Variants in GUCY1A2 observed in about 807,000 individuals in gnomAD.
GUCY1A2 encodes the protein guanylate cyclase 1 soluble subunit alpha 2.
In GUCY1A2, 27 loss-of-function variants were observed where a neutral mutation model predicts 63.5. The ratio of observed to expected loss-of-function variants is 0.43; its 90% confidence interval spans 0.31 to 0.59. The LOEUF (loss-of-function observed/expected upper bound fraction) is 0.59. GUCY1A2 is among the 20% of genes least tolerant of loss of function. GUCY1A2 has a pLI of 0.11. For synonymous variants in GUCY1A2, 364 were observed against 343.5 expected (o/e 1.06, Z -0.66); for missense variants, 768 against 913.3 (o/e 0.84, Z 2.05).
At chr11:106,842,026 T>A (rs1859205397) in intron 4 of GUCY1A2, among the ~76,000 whole-genome samples, 1 of 151,900 alleles carries the variant, frequency 6.6e-6, no homozygotes, top group South Asian at 2.1e-4. Flanking sequence ...AGTTTCCAGT[T>A]GGGTTTGGCC....
At chr11:106,915,453 T>C (rs1053511171) in intron 4 of GUCY1A2, among the ~76,000 whole-genome samples, 1 of 152,044 alleles carries the variant, frequency 6.6e-6, no homozygotes, top group Non-Finnish European at 1.5e-5. Context: ...TTGAAAAATC[T>C]AGGGCAACCA....
chr11:106,698,301 T>C (rs1317798360), intron 7 of GUCY1A2, among the ~76,000 whole-genome samples: 1 of 151,036 alleles, frequency 6.6e-6, no homozygotes, highest in African/African-American at 2.4e-5. Context: ...TTTTTTAATT[T>C]TAGTAGAGAC....
intron 5 of GUCY1A2, among the ~76,000 whole-genome samples, chr11:106,797,465 C>T (rs1262665456): frequency 6.6e-6 from 1 of 152,130 alleles, no homozygotes; most frequent in Non-Finnish European, 1.5e-5. Context: ...CACCCCAAAT[C>T]AACAAAATAT....
At chr11:106,952,323 T>C (rs1194098426) in intron 3 of GUCY1A2, among the ~76,000 whole-genome samples, 1 of 152,206 alleles carries the variant, frequency 6.6e-6, no homozygotes, top group East Asian at 1.9e-4. Context: ...GTAAATTACT[T>C]TGGGCAGTAT....
chr11:107,017,491 G>C (rs1421709510), intron 1 of GUCY1A2, among the ~76,000 whole-genome samples: 1 of 152,224 alleles, frequency 6.6e-6, no homozygotes, highest in Non-Finnish European at 1.5e-5. Flanking sequence ...TTCAAGGCTA[G>C]AGGTGGGCAG....
At chr11:106,858,466 T>A (rs1591304404) in intron 4 of GUCY1A2, among the ~76,000 whole-genome samples, 1 of 152,226 alleles carries the variant, frequency 6.6e-6, no homozygotes, top group South Asian at 2.1e-4. Context: ...AAATAGATAC[T>A]ACTGTTATCT....
chr11:106,865,134 T>A (rs1404334449), intron 4 of GUCY1A2, among the ~76,000 whole-genome samples: 1 of 152,132 alleles, frequency 6.6e-6, no homozygotes, highest in Non-Finnish European at 1.5e-5. Context: ...GGAGGGTGTA[T>A]GTGTCCAGGA....
intron 4 of GUCY1A2, among the ~76,000 whole-genome samples, chr11:106,877,737 T>G (rs889294632): frequency 2.0e-5 from 3 of 151,880 alleles, no homozygotes; most frequent in Admixed American, 6.6e-5. Context: ...ATGTTGAAGA[T>G]GTCAAAAGCA....
chr11:106,867,150 G>T (rs1260896809), intron 4 of GUCY1A2, among the ~76,000 whole-genome samples: 3 of 152,058 alleles, frequency 2.0e-5, no homozygotes, highest in East Asian at 3.9e-4. Flanking sequence ...GGTTCTCAAA[G>T]AGAGGTAATC....
chr11:106,904,748 C>A (rs1021429294), intron 4 of GUCY1A2, among the ~76,000 whole-genome samples: 1 of 151,490 alleles, frequency 6.6e-6, no homozygotes. Flanking sequence ...TTAATATATT[C>A]AATCTGAGAG....
chr11:106,911,268 G>A (rs60390170), intron 4 of GUCY1A2, among the ~76,000 whole-genome samples: 1 of 151,932 alleles, frequency 6.6e-6, no homozygotes, highest in African/African-American at 2.4e-5. Flanking sequence ...AAGACTACTA[G>A]AAAACTGAGC....
In GUCY1A2 at chr11:106,765,590, A is replaced by T. The variant is rs1864148619; in HGVS notation, c.1836+10849T>A. Among the ~76,000 whole-genome samples, 2 of 152,166 alleles carry T rather than the reference A, an allele frequency of 1.3e-5. 1 individual carries two copies. The highest frequency in any genetic ancestry group is 4.1e-4 in the South Asian group (2 of 4,832). On this transcript the variant is annotated intron_variant, in intron 6 of 7. Transcript: ENST00000526355. The stretch of plus-strand genomic sequence containing the variant: ...TGCCAGCAAGGCTCCAACCAGATTC[A>T]TGTAGAATCAGGCTTCATGTGAGTT...
At chr11:106,969,741 CAAT>C (rs767749490) in intron 3 of GUCY1A2, among the ~76,000 whole-genome samples, 43 of 152,064 alleles carry the variant, frequency 2.8e-4, no homozygotes, top group Non-Finnish European at 5.6e-4. Flanking sequence ...AGAGAAAAAG[CAAT>C]AATAACAATT....
intron 7 of GUCY1A2, among the ~76,000 whole-genome samples, chr11:106,691,038 G>A (rs1371547036): frequency 1.3e-5 from 2 of 152,082 alleles, no homozygotes; most frequent in East Asian, 1.9e-4. Context: ...GCTCTATACA[G>A]CAGTTTTAAT....
intron 4 of GUCY1A2, among the ~76,000 whole-genome samples, chr11:106,843,895 G>A (rs527717177): frequency 1.6e-4 from 25 of 151,930 alleles, no homozygotes; most frequent in African/African-American, 5.8e-4. Context: ...GACAAAGGTT[G>A]TTGACTCTCA....
At chr11:106,888,302 C>CA (rs35343582) in intron 4 of GUCY1A2, among the ~76,000 whole-genome samples, 9,312 of 137,838 alleles carry the variant, frequency 0.068, 706 homozygotes, top group East Asian at 0.29. Context: ...ACTAAAAATA[C>CA]AAAAAAAAAA....
intron 4 of GUCY1A2, among the ~76,000 whole-genome samples, chr11:106,924,985 T>A (rs1405652511): frequency 1.3e-5 from 2 of 152,028 alleles, no homozygotes; most frequent in Non-Finnish European, 2.9e-5. Context: ...CCAGCCTGGG[T>A]GACAGAGCAA....
At chr11:106,970,974 A>C (rs756768055) in intron 3 of GUCY1A2, among the ~76,000 whole-genome samples, 2 of 152,142 alleles carry the variant, frequency 1.3e-5, no homozygotes, top group Non-Finnish European at 2.9e-5. Flanking sequence ...TGAAAAGGCT[A>C]TATACTATAT....
chr11:106,797,208 G>C (rs570926448), intron 5 of GUCY1A2, among the ~76,000 whole-genome samples: 2 of 151,934 alleles, frequency 1.3e-5, no homozygotes, highest in Non-Finnish European at 2.9e-5. Flanking sequence ...ACTTCTTTGC[G>C]ATGTGTTCGA....
Sources: allele counts gnomAD v4.1 joint callset (sites outside exome capture counted in the v4.1 genomes callset), GRCh38; gene constraint gnomAD v4.1.1; transcripts MANE v1.5; gene names NCBI Gene and HGNC (gene_info 2026-07-23, HGNC 2026-07-21).